The following MBOAT7 variants were observed in gnomAD, a reference collection of about 807,000 sequenced individuals.
MBOAT7 encodes the protein membrane bound acylglycerophosphatidylinositol O-acyltransferase MBOAT7, also known as membrane-bound acylglycerophosphatidylinositol O-acyltransferase MBOAT7.
MBOAT7 carries 40 observed loss-of-function variants against 47.4 expected under a neutral mutation model. The ratio of observed to expected loss-of-function variants is 0.84; its 90% CI spans 0.66 to 1.10. The LOEUF is 1.10. Among genes scored for constraint, MBOAT7 ranks in the 50% least tolerant of loss-of-function variants. MBOAT7 has a pLI of 0.00. For missense variants in MBOAT7, 680 were observed against 655.6 expected (o/e 1.04, Z -0.41); for synonymous variants, 361 against 292.0 (o/e 1.24, Z -2.41).
Position 54,180,989 on chromosome 19 carries a change from G to T in MBOAT7, c.638C>A (p.Pro213Gln), listed in dbSNP as rs1051882954. Residue 213 changes from proline (P) to glutamine (Q), a missense_variant, in exon 6 of 8, where the codon CCG becomes CAG. Physicochemically the swap from Pro to Gln is moderately conservative, Grantham distance 76 (BLOSUM62 -1). Coordinates refer to ENST00000245615, the MANE Select transcript of MBOAT7 (RefSeq NM_024298.5). This position sits in a 1 kb window ranked among gnomAD's most constrained non-coding sequence, Gnocchi z 5.2. Reference protein sequence around the residue: ...LLFLLSSHLFPLEAVREDAFY... With the variant: ...LLFLLSSHLFQLEAVREDAFY... ...GGCGTCCTCGCGCACGGCCTCCAGC[G>T]GGAAGAGGTGAGAGGAGAGCAGGAA... is the stretch of plus-strand genomic sequence containing the variant. 3.8e-6 allele frequency: 6 copies of T among 1,564,040 alleles called. No individual in the cohort carries two copies. The highest frequency in any genetic ancestry group is 4.3e-6 in the Non-Finnish European group (5 of 1,155,106).
chr19:54,179,307 G>A (rs953565973), intron 6 of MBOAT7: 10 of 295,014 alleles, frequency 3.4e-5, no homozygotes, highest in African/African-American at 8.5e-5. Flanking sequence ...CTAAATTGTC[G>A]GACACTGCAG....
Position 54,178,839 on chromosome 19 carries a change from G to T in MBOAT7, c.957C>A (p.Tyr319Ter). 1 of 1,613,692 alleles carries T rather than the reference G, an allele frequency of 6.2e-7. No individual in the cohort carries two copies. Reference protein sequence around the residue: ...FCVRVRDGMRYWNMTVQWWLA... With the variant: ...FCVRVRDGMR Reference sequence around the variant, plus strand: ...GCCACCACTGCACCGTCATGTTCCAGTACCGCATGCCATCGCGCACCCGCA... The same window carrying T: ...GCCACCACTGCACCGTCATGTTCCATTACCGCATGCCATCGCGCACCCGCA... Residue 319 changes from tyrosine (Y) to a stop codon, truncating the protein, a stop_gained, in exon 7 of 8, where the codon TAC becomes TAA. Transcript: ENST00000245615. LOFTEE classifies it high-confidence loss of function.
chr19:54,174,155 C>A lies in MBOAT7; in HGVS notation c.1308G>T (p.Leu436=). 1 of 1,599,878 alleles carries A rather than the reference C, an allele frequency of 6.3e-7. No homozygotes were observed. The highest frequency in any genetic ancestry group is 8.5e-7 in the Non-Finnish European group (1 of 1,173,810). The stretch of plus-strand genomic sequence containing the variant: ...GCCCCAGCCCCAGGGCTGCCAGGGC[C>A]AGGAAGTGGATACAGAAGTAGATGG... ...WASIYFCIHF[L]ALAALGLGLA... is the part of the protein sequence containing the mutation. Residue 436 remains leucine, a synonymous_variant, in exon 8 of 8, where the codon CTG becomes CTT. Coordinates refer to ENST00000245615, the MANE Select transcript of MBOAT7 (RefSeq NM_024298.5).
At position 54,180,886 on chromosome 19, in the gene MBOAT7, C is replaced by T. The variant is rs1368109459; in HGVS notation, c.741G>A (p.Val247=). 4 of 1,595,558 alleles carry T rather than the reference C, an allele frequency of 2.5e-6. No individual in the cohort carries two copies. ...AGCCGCACTCGGCGGCAATCCAGGC[C>T]ACGTAGAAGCGCATGCGGAAGGCGA... is the stretch of plus-strand genomic sequence containing the variant. The part of the protein sequence containing the change: ...VFFAFRMRFY[V]AWIAAECGCI... The change falls in exon 6 of 8, where the codon GTG becomes GTA. Residue 247 remains valine, a synonymous_variant. Transcript: ENST00000245615. This position sits in a 1 kb window ranked among gnomAD's most constrained non-coding sequence, Gnocchi z 5.2.
In MBOAT7 at chr19:54,183,688, GA is replaced by G; in HGVS notation, c.334-9del. On this transcript the variant is annotated splice_polypyrimidine_tract_variant and intron_variant, in intron 4 of 7. Transcript: ENST00000245615. ...ACTGGCCAGGCTCACCAGCTGGGCA[GA>G]AGGGGGTGGGCAAGGGGCCAGGTCA... The G allele has an allele frequency of 6.5e-7, 1 of 1,543,016 alleles. No individual in the cohort carries two copies. Among genetic ancestry groups the G allele is most frequent in the Non-Finnish European group, 8.7e-7 (1 of 1,145,496 alleles).
Position 54,181,044 on chromosome 19 carries a change from C to A in MBOAT7, c.583G>T (p.Ala195Ser). 2 of 1,547,056 alleles carry A rather than the reference C, an allele frequency of 1.3e-6. No individual in the cohort carries two copies. Among genetic ancestry groups the A allele is most frequent in the Non-Finnish European group, 1.7e-6 (2 of 1,146,044 alleles). ...AGGCCGAAGAGCGGGGCCGGCCAGG[C>A]GCGGCGCAGCAGGGGCCGCAGGCTG... ...VPSLRPLLRR[A>S]WPAPLFGLLF... Residue 195 changes from alanine (A) to serine (S), a missense_variant, in exon 6 of 8, where the codon GCC (alanine) becomes TCC (serine). Transcript: ENST00000245615.
chr19:54,179,258 G>A (rs40167), intron 6 of MBOAT7: 113,079 of 448,922 alleles, frequency 0.25, 15,251 homozygotes, highest in East Asian at 0.44. Context: ...TAGCAACCAA[G>A]CTCAGTATAT....
In MBOAT7 at chr19:54,174,230, G is replaced by T; in HGVS notation, c.1233C>A (p.Cys411Ter). 6.2e-7 allele frequency: 1 copy of T among 1,604,446 alleles called. No homozygotes were observed. The highest frequency in any genetic ancestry group is 8.5e-7 in the Non-Finnish European group (1 of 1,174,206). Residue 411 changes from cysteine to a stop codon, truncating the protein, a stop_gained, in exon 8 of 8, where the codon TGC becomes TGA. Transcript: ENST00000245615. LOFTEE classifies it high-confidence loss of function. ...CCAAGGAGAGCAGCACGAAGCCCAT[G>T]CACATGTAGTCATAGGCGCGCATCT... ...FLKMRAYDYMCMGFVLLSLAD... is the reference protein window; with the variant it reads ...FLKMRAYDYM
Position 54,180,921 on chromosome 19 carries a change from G to A in MBOAT7, c.706C>T (p.Pro236Ser). The A allele has an allele frequency of 6.3e-7, 1 of 1,598,008 alleles. No homozygotes were observed. The highest frequency in any genetic ancestry group is 8.5e-7 in the Non-Finnish European group (1 of 1,174,096). Residue 236 changes from proline to serine, a missense_variant, in exon 6 of 8, where the codon CCC (proline) becomes TCC (serine). Physicochemically the swap from Pro to Ser is moderately conservative, Grantham distance 74. Transcript: ENST00000245615. This position sits in a 1 kb window ranked among gnomAD's most constrained non-coding sequence, Gnocchi z 5.2. ...CGCATGCGGAAGGCGAAGAAGACGGGGATCATGTAGAAGAGGCGGGCGGGC... is the reference window on the plus strand; with the variant it reads ...CGCATGCGGAAGGCGAAGAAGACGGAGATCATGTAGAAGAGGCGGGCGGGC... ...PLPARLFYMI[P>S]VFFAFRMRFY...
chr19:54,182,617 C>T (rs1041525329), intron 5 of MBOAT7, among the ~76,000 whole-genome samples: 2 of 151,736 alleles, frequency 1.3e-5, no homozygotes, highest in Middle Eastern at 6.9e-3. Context: ...ATGAGGTAAA[C>T]ATTAATGAAA....
At chr19:54,178,400 T>C (rs1465623186) in intron 7 of MBOAT7, 5 of 1,200,668 alleles carry the variant, frequency 4.2e-6, no homozygotes, top group Admixed American at 8.1e-5. Flanking sequence ...CAGTAATAAA[T>C]AGCATTCACT....
rs767055612 is a variant in MBOAT7 at position 54,178,781 on chromosome 19, G to A, written c.1015C>T (p.Arg339Cys). ...AQYIYKSAPA[R>C]SYVLRSAWTM... ...CTCACTCACCGCAGGACATAGGAAC[G>A]GGCAGGTGCGCTCTTGTAGATATAC... The change falls in exon 7 of 8, where the codon CGT becomes TGT. Residue 339 changes from arginine (R) to cysteine (C), a missense_variant. Coordinates refer to ENST00000245615, the MANE Select transcript of MBOAT7 (RefSeq NM_024298.5). 15 of 1,613,286 alleles carry A rather than the reference G, an allele frequency of 9.3e-6. No individual in the cohort carries two copies. The highest frequency in any genetic ancestry group is 2.2e-5 in the South Asian group (2 of 91,088).
chr19:54,178,563 A>G, intron 7 of MBOAT7: 1 of 1,426,070 alleles, frequency 7.0e-7, no homozygotes, highest in Non-Finnish European at 9.1e-7. Context: ...AGAAGTAGCA[A>G]CTGAGGCCCC....
intron 1 of MBOAT7, among the ~76,000 whole-genome samples, chr19:54,188,881 A>C (rs2076541695): frequency 6.6e-6 from 1 of 151,362 alleles, no homozygotes; most frequent in Non-Finnish European, 1.5e-5. Context: ...TCTTTTAAAA[A>C]CCCAGAAACG....
chr19:54,178,744 A>G (rs780802938), intron 7 of MBOAT7, 21 bp downstream of exon 7: 2 of 1,611,354 alleles, frequency 1.2e-6, no homozygotes, highest in South Asian at 1.1e-5. Context: ...GTGTCACCTG[A>G]GACTGGGCGG....
Position 54,173,705 on chromosome 19 carries a change from T to C in MBOAT7, c.*339A>G, listed in dbSNP as rs951265060. On this transcript the variant is annotated 3_prime_UTR_variant, in exon 8 of 8. Coordinates refer to ENST00000245615, the MANE Select transcript of MBOAT7 (RefSeq NM_024298.5). The stretch of plus-strand genomic sequence containing the variant: ...CTGCCCCCAAGCTCCGACCCCACAT[T>C]GTGGATGCAAAGAAAGGGAATTTGC... 6.6e-6 allele frequency: 2 copies of C among 301,504 alleles called. No individual in the cohort carries two copies. The highest frequency in any genetic ancestry group is 9.1e-4 in the Middle Eastern group (1 of 1,100). 18.7% of individuals were successfully genotyped at this position (301,504 alleles called of 1,614,324 possible). A position where few individuals can be genotyped will look rare whatever the true frequency, so the allele number is the denominator to read the frequency against.
intron 5 of MBOAT7, among the ~76,000 whole-genome samples, chr19:54,181,789 G>A (rs12974958): frequency 8.6e-5 from 1 of 11,670 alleles, no homozygotes; most frequent in Non-Finnish European, 1.6e-4. Flanking sequence ...GAAGGAAGGA[G>A]GGAGGGAGGG....
At chr19:54,182,787 G>A (rs944018703) in intron 5 of MBOAT7, among the ~76,000 whole-genome samples, 7 of 152,004 alleles carry the variant, frequency 4.6e-5, no homozygotes, top group South Asian at 2.1e-4. Flanking sequence ...TGCAAACTCC[G>A]TCTCGTGGGT....
At chr19:54,175,129 C>T (rs991115664) in intron 7 of MBOAT7, among the ~76,000 whole-genome samples, 1 of 152,094 alleles carries the variant, frequency 6.6e-6, no homozygotes, top group South Asian at 2.1e-4. Flanking sequence ...GCGCCTGCCA[C>T]CACGCCCGGC....
Sources: allele counts gnomAD v4.1 joint callset (sites outside exome capture counted in the v4.1 genomes callset), GRCh38; gene constraint gnomAD v4.1.1; non-coding constraint Gnocchi (gnomAD v3.1); transcripts MANE v1.5; gene names NCBI Gene and HGNC (gene_info 2026-07-23, HGNC 2026-07-21).